Variants in GABBR2 observed in about 807,000 individuals in gnomAD.
GABBR2 encodes the protein G-protein coupled receptor 51.
GABBR2 carries 23 observed loss-of-function variants against 105.6 expected under a neutral mutation model. That is an observed-to-expected ratio of 0.22 (90% CI 0.16 to 0.31). GABBR2 has a LOEUF of 0.31. Among genes scored for constraint, GABBR2 ranks in the 10% least tolerant of loss-of-function variants. The pLI, the probability that GABBR2 is intolerant of heterozygous loss-of-function variation, is 1.00. For synonymous variants in GABBR2, 478 were observed against 499.7 expected (o/e 0.96, Z 0.58); for missense variants, 734 against 1,245.5 (o/e 0.59, Z 6.18).
intron 7 of GABBR2, among the ~76,000 whole-genome samples, chr9:98,444,905 G>GCACA (rs1564071605): frequency 4.7e-5 from 7 of 150,468 alleles, no homozygotes; most frequent in Non-Finnish European, 1.0e-4. Flanking sequence ...ACACACGCAC[G>GCACA]TGACCTTGTG....
intron 4 of GABBR2, among the ~76,000 whole-genome samples, chr9:98,492,722 C>G (rs1334959910): frequency 6.6e-6 from 1 of 152,084 alleles, no homozygotes; most frequent in Non-Finnish European, 1.5e-5. Flanking sequence ...TGGCCTTCAA[C>G]TGTAATTTGT....
Position 98,307,392 on chromosome 9 carries a change from A to T in GABBR2, c.2005-1047T>A, listed in dbSNP as rs533565224. 1.3e-3 allele frequency among the ~76,000 whole-genome samples: 192 copies of T among 152,238 alleles called. 3 individuals carry two copies. The South Asian group carries it at 0.013, about 10-fold the overall frequency. On this transcript the variant is annotated intron_variant, in intron 14 of 18. Coordinates refer to ENST00000259455, the MANE Select transcript of GABBR2 (RefSeq NM_005458.8). ...TGGTGGTGTGGTGGGCAGGAGGAAG[A>T]GCCAAGATGGCTGACTGGTACAGGG...
intron 2 of GABBR2, among the ~76,000 whole-genome samples, chr9:98,573,013 G>C (rs1828854366): frequency 6.6e-6 from 1 of 152,194 alleles, no homozygotes; most frequent in Non-Finnish European, 1.5e-5. Flanking sequence ...GGTGGAGGCT[G>C]AGATTCTGCA....
intron 1 of GABBR2, among the ~76,000 whole-genome samples, chr9:98,668,060 C>T (rs948742240): frequency 2.6e-5 from 4 of 152,248 alleles, no homozygotes; most frequent in Non-Finnish European, 5.9e-5. Context: ...GCCATTACAG[C>T]TCCAGGGCTC....
intron 3 of GABBR2, among the ~76,000 whole-genome samples, chr9:98,535,919 C>T (rs1164421030): frequency 2.0e-5 from 3 of 152,070 alleles, no homozygotes; most frequent in East Asian, 3.9e-4. Flanking sequence ...TGTCATTACA[C>T]ATTTGTCCAA....
intron 13 of GABBR2, among the ~76,000 whole-genome samples, chr9:98,349,104 A>G (rs1311941012): frequency 8.9e-6 from 1 of 112,568 alleles, no homozygotes; most frequent in Non-Finnish European, 2.0e-5. Context: ...TGTTTCTTCT[A>G]TGCCTAATTT....
At chr9:98,490,701 C>G (rs1447485826) in intron 4 of GABBR2, among the ~76,000 whole-genome samples, 1 of 152,092 alleles carries the variant, frequency 6.6e-6, no homozygotes, top group Non-Finnish European at 1.5e-5. Flanking sequence ...CAGAAGGCCA[C>G]TTTGGGGAAG....
chr9:98,336,595 C>T (rs1354014194), intron 13 of GABBR2, among the ~76,000 whole-genome samples: 4 of 152,080 alleles, frequency 2.6e-5, no homozygotes, highest in African/African-American at 9.7e-5. Flanking sequence ...GTCCCAGCTA[C>T]TCGGGAGGCT....
At chr9:98,622,421 C>T (rs113472614) in intron 1 of GABBR2, among the ~76,000 whole-genome samples, 10 of 152,312 alleles carry the variant, frequency 6.6e-5, no homozygotes, top group African/African-American at 2.2e-4. Context: ...CTGTCTCGAC[C>T]TCCCAAAGTG....
chr9:98,470,146 A>G (rs1339111521), intron 6 of GABBR2, among the ~76,000 whole-genome samples: 1 of 152,238 alleles, frequency 6.6e-6, no homozygotes, highest in African/African-American at 2.4e-5. Context: ...GGGGTTTGAT[A>G]AATACAACCT....
chr9:98,506,999 CA>C (rs897445433), intron 3 of GABBR2, among the ~76,000 whole-genome samples: 14 of 152,324 alleles, frequency 9.2e-5, no homozygotes, highest in African/African-American at 2.6e-4. Flanking sequence ...CCCAGAACCA[CA>C]TACTGTAGGG....
intron 13 of GABBR2, among the ~76,000 whole-genome samples, chr9:98,356,347 A>G (rs1193662589): frequency 1.3e-5 from 2 of 152,252 alleles, no homozygotes; most frequent in African/African-American, 4.8e-5. Context: ...AAAACAACCT[A>G]TTTAAAAAGT....
intron 17 of GABBR2, among the ~76,000 whole-genome samples, chr9:98,297,998 T>C (rs1268464251): frequency 3.4e-5 from 5 of 147,650 alleles, no homozygotes; most frequent in Admixed American, 6.8e-5. Context: ...GCTGGAATCA[T>C]GCCACTGCAC....
At chr9:98,521,051 G>T (rs979088702) in intron 3 of GABBR2, among the ~76,000 whole-genome samples, 15 of 152,174 alleles carry the variant, frequency 9.9e-5, no homozygotes, top group Non-Finnish European at 1.5e-5. Flanking sequence ...CAAAGTATAG[G>T]AAACAATGTT....
intron 3 of GABBR2, among the ~76,000 whole-genome samples, chr9:98,519,465 C>G (rs767314708): frequency 7.9e-5 from 12 of 152,248 alleles, no homozygotes; most frequent in Admixed American, 4.6e-4. Flanking sequence ...GCCGGAGCAA[C>G]AGTGGGGACT....
chr9:98,505,744 C>A lies in GABBR2; in HGVS notation c.631-9230G>T, dbSNP rs143376621. On this transcript the variant is annotated intron_variant, in intron 3 of 18. Coordinates refer to ENST00000259455, the MANE Select transcript of GABBR2 (RefSeq NM_005458.8). ...GACAGAGGCAGAGGGTGGAGTGATG[C>A]ATCTGCCGGCAAGGAGCACCTGGAG... is the stretch of plus-strand genomic sequence containing the variant. 2.0e-5 allele frequency among the ~76,000 whole-genome samples: 3 copies of A among 152,258 alleles called. No individual in the cohort carries two copies. The East Asian group carries it at 5.8e-4, about 29-fold the overall frequency.
intron 9 of GABBR2, among the ~76,000 whole-genome samples, chr9:98,391,449 A>T (rs1199836955): frequency 6.6e-6 from 1 of 152,150 alleles, no homozygotes; most frequent in Non-Finnish European, 1.5e-5. Flanking sequence ...TACTACACAA[A>T]CTGCTGCCCG....
chr9:98,444,186 G>A (rs1826080456), intron 7 of GABBR2, among the ~76,000 whole-genome samples: 1 of 152,154 alleles, frequency 6.6e-6, no homozygotes, highest in Non-Finnish European at 1.5e-5. Context: ...TATGTCCCAG[G>A]CACCCAGTTC....
intron 2 of GABBR2, among the ~76,000 whole-genome samples, chr9:98,573,378 G>T (rs1472430065): frequency 1.3e-5 from 2 of 152,106 alleles, no homozygotes; most frequent in East Asian, 1.9e-4. Flanking sequence ...GAATTCCTAG[G>T]CTTGAGCAAT....
Sources: allele counts gnomAD v4.1 joint callset (sites outside exome capture counted in the v4.1 genomes callset), GRCh38; gene constraint gnomAD v4.1.1; transcripts MANE v1.5; gene names NCBI Gene and HGNC (gene_info 2026-07-23, HGNC 2026-07-21).